The following TRDN variants were observed in gnomAD, a reference collection of about 807,000 sequenced individuals.
The protein encoded by TRDN is triadin.
Under a neutral mutation model 149.7 loss-of-function variants are expected in TRDN, and 161 were observed. The ratio of observed to expected loss-of-function variants is 1.08; its 90% CI spans 0.95 to 1.23. The LOEUF is 1.23. Ranked by LOEUF, TRDN falls within the 50% of genes most tolerant of loss-of-function variation. The pLI is 0.00. For synonymous variants in TRDN, 294 were observed against 250.5 expected (o/e 1.17, Z -1.64); for missense variants, 896 against 823.5 (o/e 1.09, Z -1.08).
intron 34 of TRDN, 39 bp from the exon 35 acceptor site, chr6:123,259,701 A>G (rs1407389620): frequency 2.2e-6 from 3 of 1,393,622 alleles, no homozygotes; most frequent in East Asian, 5.1e-5. Context: ...ATCATTTTAA[A>G]AAACATGACT....
At chr6:123,228,942 T>C (rs558323279) in intron 38 of TRDN, among the ~76,000 whole-genome samples, 38 of 152,022 alleles carry the variant, frequency 2.5e-4, no homozygotes, top group African/African-American at 9.2e-4. Flanking sequence ...CGATGAAAAG[T>C]TACTTAGTTG....
intron 38 of TRDN, among the ~76,000 whole-genome samples, chr6:123,236,405 T>A (rs1433794256): frequency 6.6e-6 from 1 of 152,186 alleles, no homozygotes; most frequent in African/African-American, 2.4e-5. Flanking sequence ...CACAAGGCCT[T>A]TGTTGGATAT....
chr6:123,411,559 G>A (rs539890259), intron 12 of TRDN, among the ~76,000 whole-genome samples: 1 of 152,230 alleles, frequency 6.6e-6, no homozygotes, highest in East Asian at 1.9e-4. Context: ...CACCAAAGAG[G>A]AGTCAGAGAG....
At chr6:123,567,116 T>A (rs1782333023) in intron 2 of TRDN, among the ~76,000 whole-genome samples, 1 of 152,158 alleles carries the variant, frequency 6.6e-6, no homozygotes. Flanking sequence ...CAATGCAAGC[T>A]CAAGGGAAAT....
intron 21 of TRDN, among the ~76,000 whole-genome samples, chr6:123,348,034 A>G (rs1780322562): frequency 6.6e-6 from 1 of 152,110 alleles, no homozygotes. Flanking sequence ...AAAGTCTTGA[A>G]ATGAGAATGC....
intron 21 of TRDN, among the ~76,000 whole-genome samples, chr6:123,341,290 A>T (rs1780055038): frequency 6.6e-6 from 1 of 152,006 alleles, no homozygotes; most frequent in East Asian, 1.9e-4. Flanking sequence ...TGGTCAGGAC[A>T]CTGTCTTTAA....
intron 8 of TRDN, chr6:123,503,380 T>A: frequency 1.2e-5 from 12 of 985,334 alleles, no homozygotes; most frequent in Non-Finnish European, 1.3e-5. Flanking sequence ...CCAAAGAGTA[T>A]GACACATACA....
chr6:123,480,786 AGGCTT>A (rs1777713977), intron 9 of TRDN, among the ~76,000 whole-genome samples: 1 of 152,106 alleles, frequency 6.6e-6, no homozygotes, highest in Non-Finnish European at 1.5e-5. Flanking sequence ...AAGAGATAGG[AGGCTT>A]GACATTTTTG....
intron 1 of TRDN, among the ~76,000 whole-genome samples, chr6:123,612,668 G>A (rs574733601): frequency 6.6e-6 from 1 of 152,066 alleles, no homozygotes; most frequent in South Asian, 2.1e-4. Flanking sequence ...CTCCCAAATA[G>A]CTGGGACTAC....
chr6:123,233,723 A>G (rs1471339533), intron 38 of TRDN, among the ~76,000 whole-genome samples: 1 of 152,098 alleles, frequency 6.6e-6, no homozygotes, highest in Non-Finnish European at 1.5e-5. Flanking sequence ...TCCTAAAACA[A>G]AATCATCATG....
chr6:123,361,647 A>C (rs1203203484), intron 20 of TRDN, among the ~76,000 whole-genome samples: 1 of 152,068 alleles, frequency 6.6e-6, no homozygotes, highest in Non-Finnish European at 1.5e-5. Context: ...TTCCTCATTC[A>C]ATTTGTCACC....
At chr6:123,336,076 G>A (rs560457559) in intron 22 of TRDN, among the ~76,000 whole-genome samples, 1 of 152,054 alleles carries the variant, frequency 6.6e-6, no homozygotes, top group Non-Finnish European at 1.5e-5. Context: ...AAAGAACTTA[G>A]ACTATTTTTC....
intron 2 of TRDN, among the ~76,000 whole-genome samples, chr6:123,551,758 A>G (rs1419000031): frequency 6.6e-6 from 1 of 152,120 alleles, no homozygotes; most frequent in Non-Finnish European, 1.5e-5. Flanking sequence ...ATAGTAAGTG[A>G]TGGAGCCACG....
intron 37 of TRDN, 26 bp from the exon 38 acceptor site, chr6:123,252,461 T>C: frequency 7.4e-7 from 1 of 1,355,830 alleles, no homozygotes; most frequent in South Asian, 1.4e-5. Flanking sequence ...AAATAAGTTT[T>C]GTTTAACTGA....
At chr6:123,406,862 G>T (rs1018779952) in intron 12 of TRDN, among the ~76,000 whole-genome samples, 4 of 152,014 alleles carry the variant, frequency 2.6e-5, no homozygotes, top group African/African-American at 9.7e-5. Context: ...AAAAATTGTC[G>T]TCTTTATCTC....
intron 19 of TRDN, 37 bp from the exon 20 acceptor site, chr6:123,366,219 A>G: frequency 6.3e-7 from 1 of 1,579,996 alleles, no homozygotes; most frequent in Non-Finnish European, 8.7e-7. Context: ...AGAAGTGGAT[A>G]TTAGTGATGC....
At chr6:123,316,425 C>G (rs375308581) in intron 24 of TRDN, 32 bp downstream of exon 24, 398 of 1,597,016 alleles carry the variant, frequency 2.5e-4, no homozygotes, top group Non-Finnish European at 3.1e-4. Flanking sequence ...CAGAACATCT[C>G]CTTGTATGTA....
At chr6:123,605,230 AATT>A (rs896356324) in intron 1 of TRDN, among the ~76,000 whole-genome samples, 12 of 136,022 alleles carry the variant, frequency 8.8e-5, no homozygotes, top group South Asian at 4.9e-4. Context: ...ATTATTTAAT[AATT>A]ATTATTTCCA....
At chr6:123,527,229 T>A (rs891527197) in intron 5 of TRDN, among the ~76,000 whole-genome samples, 1 of 152,060 alleles carries the variant, frequency 6.6e-6, no homozygotes, top group Non-Finnish European at 1.5e-5. Flanking sequence ...TTACCACGGG[T>A]AAAGGAAATG....
Sources: allele counts gnomAD v4.1 joint callset (sites outside exome capture counted in the v4.1 genomes callset), GRCh38; gene constraint gnomAD v4.1.1; transcripts MANE v1.5; gene names NCBI Gene and HGNC (gene_info 2026-07-23, HGNC 2026-07-21).